NBPF11: variants seen among roughly 807,000 people sequenced by gnomAD.
NBPF11 encodes NBPF member 11.
Under a neutral mutation model 93.9 loss-of-function variants are expected in NBPF11, and 72 were observed. The ratio of observed to expected loss-of-function variants is 0.77; its 90% confidence interval spans 0.63 to 0.93. NBPF11 has a LOEUF of 0.93. NBPF11 is among the 40% of genes least tolerant of loss of function. The probability of loss-of-function intolerance (pLI) is 0.00; values close to 1 mark genes in which losing one functional copy is unlikely to be tolerated. For synonymous variants in NBPF11, 224 were observed against 304.9 expected (o/e 0.73, Z 2.76); for missense variants, 705 against 802.2 (o/e 0.88, Z 1.46).
At chr1:148,124,617 C>G (rs1668656734) in intron 6 of NBPF11, among the ~76,000 whole-genome samples, 1 of 151,750 alleles carries the variant, frequency 6.6e-6, no homozygotes, top group East Asian at 1.9e-4. Context: ...ATACTGAATG[C>G]TGCTGGGTGG....
chr1:148,141,918 T>C (rs1369023626), intron 2 of NBPF11, among the ~76,000 whole-genome samples: 1 of 143,294 alleles, frequency 7.0e-6, no homozygotes, highest in Non-Finnish European at 1.5e-5. Flanking sequence ...CTATTTAAAA[T>C]AGTAGAACAA....
At chr1:148,142,647 T>A (rs1432357854) in intron 2 of NBPF11, among the ~76,000 whole-genome samples, 1 of 151,978 alleles carries the variant, frequency 6.6e-6, no homozygotes, top group Non-Finnish European at 1.5e-5. Flanking sequence ...CCTTTCTTTC[T>A]CCCCCTCTCA....
chr1:148,122,858 T>C (rs1668196195), intron 7 of NBPF11, 57 bp from the exon 8 acceptor site: 5 of 1,608,202 alleles, frequency 3.1e-6, no homozygotes, highest in Non-Finnish European at 4.2e-6. Context: ...GCAAGCACAG[T>C]CAGCCCAACG....
In NBPF11 at chr1:148,135,669, C is replaced by T. The variant is rs1671160628; in HGVS notation, c.-36+3G>A. 2 of 642,216 alleles carry T rather than the reference C, an allele frequency of 3.1e-6. No homozygotes were observed. The highest frequency in any genetic ancestry group is 2.7e-5 in the East Asian group (1 of 36,660). The allele number at this position is 642,216 out of a possible 1,614,324, so 39.8% of individuals were successfully genotyped here. ...AGAAAGCTCTCTGTGTTTGAGTACG[C>T]ACCTTGATCCATAGGCTCACATTTG... is the stretch of plus-strand genomic sequence containing the variant. On this transcript the variant is annotated splice_donor_region_variant and intron_variant, in intron 4 of 23. Coordinates refer to ENST00000682118, the MANE Select transcript of NBPF11 (RefSeq NM_001385469.3).
chr1:148,143,227 C>T lies in NBPF11; in HGVS notation c.-277+188G>A, dbSNP rs1402184031. 2.6e-5 allele frequency among the ~76,000 whole-genome samples: 4 copies of T among 152,044 alleles called. No individual in the cohort carries two copies. In the East Asian group the frequency reaches 7.7e-4, roughly 29 times the overall value. ...TCACTTTCACCCGACCATGGCACTGCAAGTCCAGGGCGGCACACGCTGTGA... is the reference window on the plus strand; with the variant it reads ...TCACTTTCACCCGACCATGGCACTGTAAGTCCAGGGCGGCACACGCTGTGA... On this transcript the variant is annotated intron_variant, in intron 2 of 23. Coordinates refer to ENST00000682118, the MANE Select transcript of NBPF11 (RefSeq NM_001385469.3).
At chr1:148,137,689 AC>A (rs1406372726) in intron 3 of NBPF11, 21 bp downstream of exon 3, 1 of 149,754 alleles carries the variant, frequency 6.7e-6, no homozygotes, top group Non-Finnish European at 1.5e-5. Context: ...TGAAAGAACT[AC>A]AGTAAAAATA....
At chr1:148,150,069 C>T (rs1482840643) in intron 1 of NBPF11, among the ~76,000 whole-genome samples, 2 of 151,652 alleles carry the variant, frequency 1.3e-5, no homozygotes, top group African/African-American at 4.9e-5. Flanking sequence ...ACCAACAATG[C>T]CACTTCTACA....
intron 19 of NBPF11, among the ~76,000 whole-genome samples, chr1:148,107,393 G>A (rs1257084081): frequency 3.3e-5 from 5 of 150,980 alleles, no homozygotes; most frequent in Admixed American, 6.6e-5. Flanking sequence ...GACACTCTGA[G>A]TTAGTGCCCT....
chr1:148,120,111 C>G (rs1394734035), intron 10 of NBPF11, among the ~76,000 whole-genome samples: 1 of 151,690 alleles, frequency 6.6e-6, no homozygotes, highest in Non-Finnish European at 1.5e-5. Context: ...TCAACAGAAA[C>G]TTGAACTGAA....
intron 11 of NBPF11, 101 bp downstream of exon 11, chr1:148,118,519 T>C (rs1667091410): frequency 6.3e-6 from 6 of 959,094 alleles, no homozygotes; most frequent in Non-Finnish European, 8.5e-6. Flanking sequence ...ATTCCTGCCC[T>C]TCCCCTGGCC....
intron 18 of NBPF11, among the ~76,000 whole-genome samples, chr1:148,108,066 T>C (rs1231330334): frequency 5.3e-5 from 8 of 150,270 alleles, no homozygotes; most frequent in African/African-American, 1.7e-4. Flanking sequence ...CCCCAAATGG[T>C]TGCTAGGAGA....
chr1:148,137,447 GA>G (rs1389589269), intron 3 of NBPF11, among the ~76,000 whole-genome samples: 2 of 152,232 alleles, frequency 1.3e-5, no homozygotes, highest in Non-Finnish European at 2.9e-5. Context: ...TGAGCTCTAG[GA>G]AAAAAACACA....
At chr1:148,105,858 C>T (rs1663471672) in intron 21 of NBPF11, among the ~76,000 whole-genome samples, 1 of 139,392 alleles carries the variant, frequency 7.2e-6, no homozygotes, top group African/African-American at 2.9e-5. Flanking sequence ...TGAGTTAGTG[C>T]CCTCAGGACA....
intron 2 of NBPF11, among the ~76,000 whole-genome samples, chr1:148,142,291 A>G (rs1349483141): frequency 2.0e-5 from 3 of 151,962 alleles, no homozygotes; most frequent in Non-Finnish European, 2.9e-5. Context: ...GAGACGCACT[A>G]CTGTAAAACT....
At position 148,119,305 on chromosome 1, in the gene NBPF11, T is replaced by C. The variant is rs1238403552; in HGVS notation, c.989-583A>G. Among the ~76,000 whole-genome samples the C allele has an allele frequency of 6.0e-3, 910 of 152,002 alleles. 14 individuals are homozygous for C. Among genetic ancestry groups the C allele is most frequent in the African/African-American group, 0.022 (890 of 41,302 alleles). On this transcript the variant is annotated intron_variant, in intron 10 of 23. Coordinates refer to ENST00000682118, the MANE Select transcript of NBPF11 (RefSeq NM_001385469.3). ...TGCCCAAATGCTAATGAAGTTTCTG[T>C]TAATTTAGAAACAGCAGAATGAAGA... is the stretch of plus-strand genomic sequence containing the variant.
intron 8 of NBPF11, 147 bp from the exon 9 acceptor site, chr1:148,122,413 C>T (rs1464467855): frequency 7.2e-7 from 1 of 1,387,306 alleles, no homozygotes; most frequent in Non-Finnish European, 1.0e-6. Context: ...AACAGGCAAT[C>T]CTCTTCTCTC....
chr1:148,122,036 C>G lies in NBPF11; in HGVS notation c.778+19G>C, dbSNP rs1667992755. The G allele has an allele frequency of 6.4e-7, 1 of 1,560,044 alleles. No homozygotes were observed. The highest frequency in any genetic ancestry group is 1.4e-5 in the African/African-American group (1 of 73,590). ...ATAGCCTAGACAGAGGTATGAGACA[C>G]AAGGAAAATAGAGGCTACCTGGGAG... On this transcript the variant is annotated intron_variant, in intron 9 of 23. Coordinates refer to ENST00000682118, the MANE Select transcript of NBPF11 (RefSeq NM_001385469.3).
chr1:148,139,437 C>T (rs1671852026), intron 2 of NBPF11, among the ~76,000 whole-genome samples: 17 of 148,682 alleles, frequency 1.1e-4, no homozygotes, highest in Non-Finnish European at 5.9e-5. Context: ...CTATTCAGAC[C>T]CAGTCATGGG....
chr1:148,149,664 C>A (rs1365517759), intron 1 of NBPF11: 8 of 1,123,980 alleles, frequency 7.1e-6, no homozygotes, highest in East Asian at 5.2e-5. Context: ...CCCCCCCGGG[C>A]GGCCCAGGGG....
Sources: gnomAD v4.1 joint callset for allele counts (sites outside exome capture counted in the v4.1 genomes callset) on GRCh38, gnomAD v4.1.1 for gene constraint, MANE v1.5 for transcripts, NCBI Gene and HGNC (gene_info 2026-07-23, HGNC 2026-07-21) for gene names.